The following MTMR9 variants were observed in gnomAD, a reference collection of about 807,000 sequenced individuals.
The protein encoded by MTMR9 is myotubularin related protein 9.
MTMR9 carries 39 observed loss-of-function variants against 69.5 expected under a neutral mutation model. That is an observed-to-expected ratio of 0.56 (90% confidence interval 0.43 to 0.73). MTMR9 has a LOEUF of 0.73. Ranked by LOEUF, MTMR9 falls within the 30% of genes least tolerant of loss-of-function variation. The pLI is 0.00. For missense variants in MTMR9, 900 were observed against 671.2 expected (o/e 1.34, Z -3.77); for synonymous variants, 354 against 240.8 (o/e 1.47, Z -4.35).
At chr8:11,321,313 G>T (rs1181405226) in intron 9 of MTMR9, 1 of 431,656 alleles carries the variant, frequency 2.3e-6, no homozygotes, top group African/African-American at 2.0e-5. Context: ...GTCACAGTCA[G>T]TACAGGGTTC....
chr8:11,309,634 C>T lies in MTMR9; in HGVS notation c.917C>T (p.Thr306Ile). The T allele has an allele frequency of 6.2e-7, 1 of 1,613,972 alleles. No homozygotes were observed. The highest frequency in any genetic ancestry group is 8.5e-7 in the Non-Finnish European group (1 of 1,179,888). Reference protein sequence around the residue: ...LSKLEASNWLTHIKEILTTAC... With the variant: ...LSKLEASNWLIHIKEILTTAC... ...AAATTGGAGGCCTCTAACTGGCTGA[C>T]TCACATCAAAGAGATTCTGACAACT... is the stretch of plus-strand genomic sequence containing the variant. The change falls in exon 6 of 10, where the codon ACT becomes ATT. Residue 306 changes from threonine (T) to isoleucine (I), a missense_variant. Physicochemically the swap from Thr to Ile is moderately conservative, Grantham distance 89. Transcript: ENST00000221086.
downstream of MTMR9, among the ~76,000 whole-genome samples, chr8:11,328,666 T>A (rs558468338): frequency 6.6e-6 from 1 of 152,312 alleles, no homozygotes; most frequent in Non-Finnish European, 1.5e-5. Context: ...ATGGCAAAAC[T>A]AGCAGGTGAA....
intron 6 of MTMR9, among the ~76,000 whole-genome samples, chr8:11,310,506 G>T (rs1228693876): frequency 6.6e-6 from 1 of 152,106 alleles, no homozygotes; most frequent in African/African-American, 2.4e-5. Flanking sequence ...AATAGAATGG[G>T]TTGCTGAAAT....
At chr8:11,322,409 A>G (rs1360062044) in intron 9 of MTMR9, among the ~76,000 whole-genome samples, 2 of 152,262 alleles carry the variant, frequency 1.3e-5, no homozygotes, top group Non-Finnish European at 1.5e-5. Context: ...GCATGTACAT[A>G]CAAGTAGTGA....
At chr8:11,307,228 C>T (rs948631828) in intron 5 of MTMR9, among the ~76,000 whole-genome samples, 2 of 152,052 alleles carry the variant, frequency 1.3e-5, no homozygotes, top group Non-Finnish European at 2.9e-5. Context: ...CCTGCTACCA[C>T]GCCTGGCTAA....
At chr8:11,305,549 G>A (rs1799907619) in intron 4 of MTMR9, among the ~76,000 whole-genome samples, 1 of 152,186 alleles carries the variant, frequency 6.6e-6, no homozygotes, top group Non-Finnish European at 1.5e-5. Flanking sequence ...ATTCGCCAGG[G>A]AAGAGATTAG....
chr8:11,309,420 T>C, intron 5 of MTMR9, 107 bp from the exon 6 acceptor site: 1 of 885,448 alleles, frequency 1.1e-6, no homozygotes, highest in Non-Finnish European at 1.7e-6. Flanking sequence ...TTATAGTATT[T>C]TGAACTACTT....
chr8:11,307,484 A>G (rs1799983902), intron 5 of MTMR9, among the ~76,000 whole-genome samples: 1 of 152,196 alleles, frequency 6.6e-6, no homozygotes, highest in Non-Finnish European at 1.5e-5. Context: ...ACTATTGTGA[A>G]TAGTGCTGCA....
chr8:11,332,572 G>C (rs999306951), downstream of MTMR9, among the ~76,000 whole-genome samples: 5 of 151,364 alleles, frequency 3.3e-5, no homozygotes, highest in African/African-American at 1.2e-4. Flanking sequence ...TTCACTAGAA[G>C]GGTTCGATAG....
intron 2 of MTMR9, chr8:11,298,078 A>G (rs192938614): frequency 5.5e-6 from 2 of 366,784 alleles, no homozygotes; most frequent in East Asian, 1.5e-4. Context: ...GCAAGTGCTC[A>G]GTTATCTAAA....
At chr8:11,316,538 T>C (rs1214983167) in intron 7 of MTMR9, 135 bp from the exon 8 acceptor site, 4 of 562,992 alleles carry the variant, frequency 7.1e-6, no homozygotes, top group Admixed American at 3.5e-5. Context: ...CATTAATCTG[T>C]ACAACAGCTA....
chr8:11,309,739 CTT>C (rs1232572368), intron 6 of MTMR9, 51 bp downstream of exon 6: 7 of 1,588,116 alleles, frequency 4.4e-6, no homozygotes, highest in East Asian at 4.5e-5. Flanking sequence ...GCTAACTAGA[CTT>C]TGTGTTTATC....
At chr8:11,337,594 T>C in the MTMR9 span, among the ~76,000 whole-genome samples, 229 of 152,356 alleles carry the variant, frequency 1.5e-3, 3 homozygotes, top group South Asian at 0.039. Context: ...GTCAAAACAA[T>C]TGAGATTTCT....
rs1395186411 is a variant in MTMR9 at position 11,322,694 on chromosome 8, T to A, written c.1556T>A (p.Ile519Asn). ...DEAYEEMVNIIEYNKELQAKV... is the reference protein window; with the variant it reads ...DEAYEEMVNINEYNKELQAKV... ...GCATATGAAGAAATGGTTAACATCA[T>A]TGAATATAATAAAGAATTACAAGCA... Residue 519 changes from isoleucine (I) to asparagine (N), a missense_variant, in exon 10 of 10, where the codon ATT becomes AAT. By Grantham distance (149) the Ile-to-Asn change is moderately radical. Transcript: ENST00000221086. The A allele has an allele frequency of 1.2e-6, 2 of 1,613,952 alleles. No homozygotes were observed. The highest frequency in any genetic ancestry group is 2.2e-5 in the South Asian group (2 of 91,078).
At chr8:11,335,976 A>T in the MTMR9 span, among the ~76,000 whole-genome samples, 2 of 152,236 alleles carry the variant, frequency 1.3e-5, no homozygotes, top group African/African-American at 4.8e-5. Context: ...ACAAGAAATA[A>T]CATGGTAGTG....
chr8:11,321,469 A>G (rs557446732), intron 9 of MTMR9: 37 of 456,594 alleles, frequency 8.1e-5, no homozygotes, highest in South Asian at 5.6e-4. Flanking sequence ...GGCCTGAAGG[A>G]TGATTTAATT....
rs369696571 is a variant in MTMR9 at position 11,319,618 on chromosome 8, G to A, written c.1335-69G>A. On this transcript the variant is annotated intron_variant, in intron 8 of 9. Transcript: ENST00000221086. ...TTCATACTGAGAAGAAATTGTCCTCGTAAGAGGAGCACTCAATAATGGTTG... is the reference window on the plus strand; with the variant it reads ...TTCATACTGAGAAGAAATTGTCCTCATAAGAGGAGCACTCAATAATGGTTG... The A allele has an allele frequency of 2.5e-3, 3,743 of 1,511,944 alleles. 38 individuals carry two copies. In the South Asian group the frequency reaches 0.025, roughly 10 times the overall value. The allele number at this position is 1,511,944 out of a possible 1,614,324, so 93.7% of individuals were successfully genotyped here.
chr8:11,315,519 TAA>T (rs1030199046), intron 7 of MTMR9, among the ~76,000 whole-genome samples: 12 of 152,326 alleles, frequency 7.9e-5, no homozygotes, highest in Admixed American at 7.8e-4. Context: ...GCTGCCAAAA[TAA>T]AAGTCTCACT....
rs1158201821 is a variant in MTMR9, at chr8:11,328,139, AAATT to A, written c.*5354_*5357del. ...AATCTGAATATATTTAAGTGCTAAT[AAATT>A]AAATCTGTGGGCTTATTTGAATTTT... On this transcript the variant is annotated 3_prime_UTR_variant, in exon 10 of 10. Coordinates refer to ENST00000221086, the MANE Select transcript of MTMR9 (RefSeq NM_015458.4). 1 of 146,366 alleles carries A rather than the reference AAATT, an allele frequency of 6.8e-6. No individual in the cohort carries two copies. Among genetic ancestry groups the A allele is most frequent in the East Asian group, 2.1e-4 (1 of 4,836 alleles). The allele number at this position is 146,366 out of a possible 1,614,324, so 9.1% of individuals were successfully genotyped here. A position where few individuals can be genotyped will look rare whatever the true frequency, so the allele number is the denominator to read the frequency against.
Sources: allele counts gnomAD v4.1 joint callset (sites outside exome capture counted in the v4.1 genomes callset), GRCh38; gene constraint gnomAD v4.1.1; transcripts MANE v1.5; gene names NCBI Gene and HGNC (gene_info 2026-07-23, HGNC 2026-07-21).